The following PREX1 variants were observed in gnomAD, a reference collection of about 807,000 sequenced individuals.
The protein encoded by PREX1 is phosphatidylinositol-3,4,5-trisphosphate dependent Rac exchange factor 1.
A neutral mutation model predicts 198.3 loss-of-function variants in PREX1; 41 were observed. The ratio of observed to expected loss-of-function variants is 0.21; its 90% CI spans 0.16 to 0.27. The LOEUF (loss-of-function observed/expected upper bound fraction) is 0.27. Ranked by LOEUF, PREX1 falls within the 10% of genes least tolerant of loss-of-function variation. The pLI is 1.00. For missense variants in PREX1, 1,620 were observed against 2,200.7 expected (o/e 0.74, Z 5.28); for synonymous variants, 843 against 887.2 (o/e 0.95, Z 0.89).
At chr20:48,642,587 A>C in intron 27 of PREX1, 98 bp from the exon 28 acceptor site, 1 of 1,110,228 alleles carries the variant, frequency 9.0e-7, no homozygotes, top group South Asian at 1.6e-5. Context: ...ACAGAACTCC[A>C]AACCCACAAG....
the PREX1 span, among the ~76,000 whole-genome samples, chr20:48,869,860 G>A: frequency 3.9e-5 from 6 of 152,138 alleles, no homozygotes; most frequent in African/African-American, 2.4e-5. Context: ...CAGGGTAAGC[G>A]GGGAGAGAGC....
At chr20:48,776,503 G>A (rs546132004) in intron 1 of PREX1, among the ~76,000 whole-genome samples, 8 of 152,330 alleles carry the variant, frequency 5.3e-5, no homozygotes, top group Middle Eastern at 3.4e-3. Flanking sequence ...TCACTTCAGA[G>A]GGGGAGTCCA....
chr20:48,796,399 C>G (rs1291720757), intron 1 of PREX1, among the ~76,000 whole-genome samples: 1 of 152,058 alleles, frequency 6.6e-6, no homozygotes, highest in Non-Finnish European at 1.5e-5. Context: ...GGAACAACCT[C>G]CATCATACAG....
chr20:48,697,647 G>T (rs1185710523), intron 7 of PREX1, among the ~76,000 whole-genome samples: 2 of 152,120 alleles, frequency 1.3e-5, no homozygotes, highest in Admixed American at 6.5e-5. Context: ...GTCTCCCAAA[G>T]TGCTGGGATT....
At chr20:48,772,612 A>G (rs577227446) in intron 1 of PREX1, among the ~76,000 whole-genome samples, 1 of 152,324 alleles carries the variant, frequency 6.6e-6, no homozygotes, top group East Asian at 1.9e-4. Context: ...GCTCAGCGGG[A>G]GGAAAGGCGA....
chr20:48,872,839 G>T, the PREX1 span, among the ~76,000 whole-genome samples: 1 of 152,220 alleles, frequency 6.6e-6, no homozygotes, highest in South Asian at 2.1e-4. Flanking sequence ...AGCCCCGGAA[G>T]TATTTCCGGA....
In PREX1 at chr20:48,827,919, C is replaced by G; in HGVS notation, c.-59G>C. 1.4e-6 allele frequency: 1 copy of G among 719,076 alleles called. No homozygotes were observed. Among genetic ancestry groups the G allele is most frequent in the Non-Finnish European group, 1.7e-6 (1 of 590,764 alleles). The allele number at this position is 719,076 out of a possible 1,614,324, so 44.5% of individuals were successfully genotyped here. ...TCGCGCCGAGCGGCAACTCAGGCGTCCAGGCGCCCCATCCCGGACGGGGCG... is the reference window on the plus strand; with the variant it reads ...TCGCGCCGAGCGGCAACTCAGGCGTGCAGGCGCCCCATCCCGGACGGGGCG... On this transcript the variant is annotated 5_prime_UTR_variant, in exon 1 of 40. Coordinates refer to ENST00000371941, the MANE Select transcript of PREX1 (RefSeq NM_020820.4). The surrounding 1 kb of genome is among the most constrained non-coding windows in gnomAD (Gnocchi z 4.1).
At chr20:48,639,626 AG>A in intron 30 of PREX1, 139 bp downstream of exon 30, 1 of 1,294,052 alleles carries the variant, frequency 7.7e-7, no homozygotes, top group Non-Finnish European at 1.1e-6. Flanking sequence ...CAGCTGAGAG[AG>A]GGCATCACTT....
intron 4 of PREX1, among the ~76,000 whole-genome samples, chr20:48,727,304 A>G (rs2090014678): frequency 6.6e-6 from 1 of 152,092 alleles, no homozygotes; most frequent in Admixed American, 6.5e-5. Context: ...TTAGGAATGG[A>G]ATACCGTTAC....
At chr20:48,645,615 G>T (rs1431380209) in intron 26 of PREX1, among the ~76,000 whole-genome samples, 2 of 152,218 alleles carry the variant, frequency 1.3e-5, no homozygotes, top group South Asian at 4.1e-4. Flanking sequence ...AGGCAGAACA[G>T]ATGGGTCCAC....
the PREX1 span, among the ~76,000 whole-genome samples, chr20:48,847,770 C>T: frequency 1.3e-5 from 2 of 152,184 alleles, no homozygotes; most frequent in African/African-American, 4.8e-5. Flanking sequence ...ATTCCCCTCA[C>T]CCCAGAAATT....
intron 1 of PREX1, among the ~76,000 whole-genome samples, chr20:48,797,193 TTGCTTGGGTCCC>T (rs1421169703): frequency 6.6e-6 from 1 of 152,134 alleles, no homozygotes; most frequent in Non-Finnish European, 1.5e-5. Context: ...AGGGAGCTCT[TTGCTTGGGTCCC>T]TGAGAGGTGG....
At chr20:48,719,429 G>A (rs754325446) in intron 5 of PREX1, among the ~76,000 whole-genome samples, 38 of 152,070 alleles carry the variant, frequency 2.5e-4, no homozygotes, top group Non-Finnish European at 5.9e-5. Flanking sequence ...TTGGTGCTCG[G>A]CCCGAGAGAC....
In PREX1 at chr20:48,625,871, G is replaced by C. The variant is rs1289766250; in HGVS notation, c.*14C>G. On this transcript the variant is annotated 3_prime_UTR_variant, in exon 40 of 40. Coordinates refer to ENST00000371941, the MANE Select transcript of PREX1 (RefSeq NM_020820.4). ...GCTCCAGAGGCCGCGGCCCAGCGTG[G>C]GGCATTTGGGTGTTCAGAGGTCCCC... 1.9e-6 allele frequency: 3 copies of C among 1,560,168 alleles called. No individual in the cohort carries two copies. Among genetic ancestry groups the C allele is most frequent in the Non-Finnish European group, 2.6e-6 (3 of 1,153,120 alleles).
At chr20:48,807,569 C>T (rs1163697756) in intron 1 of PREX1, among the ~76,000 whole-genome samples, 1 of 152,092 alleles carries the variant, frequency 6.6e-6, no homozygotes, top group African/African-American at 2.4e-5. Context: ...ACATCTTTAC[C>T]TACTTTTTTT....
intron 27 of PREX1, 125 bp downstream of exon 27, chr20:48,644,284 A>G: frequency 1.2e-6 from 1 of 808,834 alleles, no homozygotes; most frequent in East Asian, 2.8e-5. Context: ...GAAATCAAGT[A>G]CAGGACCATG....
intron 1 of PREX1, among the ~76,000 whole-genome samples, chr20:48,787,716 C>T (rs2090319781): frequency 6.6e-6 from 1 of 151,876 alleles, no homozygotes; most frequent in Admixed American, 6.6e-5. Context: ...CTAAGGAAAC[C>T]CCTAAAGAAG....
intron 3 of PREX1, among the ~76,000 whole-genome samples, chr20:48,741,073 A>G (rs2090079351): frequency 6.6e-6 from 1 of 152,156 alleles, no homozygotes. Context: ...CAGTGGCACA[A>G]TCTCGACTCA....
chr20:48,719,598 A>G (rs1295293624), intron 5 of PREX1, among the ~76,000 whole-genome samples: 1 of 152,180 alleles, frequency 6.6e-6, no homozygotes, highest in Non-Finnish European at 1.5e-5. Context: ...CAGTCAGACA[A>G]AAACTCCAAA....
Sources: gnomAD v4.1 joint callset for allele counts (sites outside exome capture counted in the v4.1 genomes callset) on GRCh38, gnomAD v4.1.1 for gene constraint, Gnocchi (gnomAD v3.1) non-coding constraint, MANE v1.5 for transcripts, NCBI Gene and HGNC (gene_info 2026-07-23, HGNC 2026-07-21) for gene names.